CDKN2B-AS1: variants seen among roughly 807,000 people sequenced by gnomAD.
CDKN2B-AS1 encodes CDKN2B antisense RNA 1 (non-protein coding).
chr9:22,037,976 A>C (rs1017751476), intron 1 of CDKN2B-AS1, among the ~76,000 whole-genome samples: 1 of 152,044 alleles, frequency 6.6e-6, no homozygotes, highest in African/African-American at 2.4e-5. Flanking sequence ...TAGGCAATGA[A>C]AATCTGAAGG....
At chr9:22,128,057 C>T (rs940634995) in exon 5 of CDKN2B-AS1, among the ~76,000 whole-genome samples, 3 of 152,058 alleles carry the variant, frequency 2.0e-5, no homozygotes, top group African/African-American at 7.2e-5. Context: ...TGTGTACAGA[C>T]TAGATATAAT....
chr9:21,998,309 A>T (rs1039487504), intron 1 of CDKN2B-AS1, among the ~76,000 whole-genome samples: 1 of 152,238 alleles, frequency 6.6e-6, no homozygotes, highest in Non-Finnish European at 1.5e-5. Context: ...AATAATGAAG[A>T]ACTGAGCATG....
intron 4 of CDKN2B-AS1, among the ~76,000 whole-genome samples, chr9:22,099,248 A>C (rs763210916): frequency 1.4e-4 from 21 of 152,284 alleles, no homozygotes; most frequent in Non-Finnish European, 2.6e-4. Context: ...AGCATAGGGT[A>C]GTAGAGAGAA....
rs141196704 is a variant in CDKN2B-AS1, at chr9:22,098,401, G to T, written n.439-28702G>T. Among the ~76,000 whole-genome samples the T allele has an allele frequency of 1.5e-4, 22 of 150,280 alleles. No individual in the cohort carries two copies. In the East Asian group the frequency reaches 4.2e-3, roughly 29 times the overall value. ...AAACTATTACTTATAGGGGTTATGGGAAATGCCATGGGCAAGAATTTTTTT... is the reference window on the plus strand; with the variant it reads ...AAACTATTACTTATAGGGGTTATGGTAAATGCCATGGGCAAGAATTTTTTT... On this transcript the variant is annotated intron_variant and non_coding_transcript_variant, in intron 4 of 4. Transcript: ENST00000650946.
At chr9:22,049,180 G>T (rs971858606) in exon 3 of CDKN2B-AS1, 6 of 152,144 alleles carry the variant, frequency 3.9e-5, no homozygotes, top group African/African-American at 1.4e-4. Context: ...AAACCGGGGA[G>T]ATCTATTTGG....
intron 1 of CDKN2B-AS1, among the ~76,000 whole-genome samples, chr9:22,015,239 G>C (rs544080903): frequency 6.6e-6 from 1 of 152,220 alleles, no homozygotes; most frequent in Admixed American, 6.5e-5. Context: ...GTGTAAAAGT[G>C]TTCCTATTTC....
intron 4 of CDKN2B-AS1, among the ~76,000 whole-genome samples, chr9:22,113,297 G>C (rs1475021467): frequency 6.6e-6 from 1 of 152,092 alleles, no homozygotes; most frequent in African/African-American, 2.4e-5. Flanking sequence ...TCCATCTTCA[G>C]GCCAGCAATG....
rs1360635175 is a variant in CDKN2B-AS1 at position 22,000,768 on chromosome 9, T to A, written n.29+5607T>A. Among the ~76,000 whole-genome samples, 3 of 152,166 alleles carry A rather than the reference T, an allele frequency of 2.0e-5. No homozygotes were observed. The highest frequency in any genetic ancestry group is 4.8e-5 in the African/African-American group (2 of 41,434). On this transcript the variant is annotated intron_variant and non_coding_transcript_variant, in intron 1 of 4. Coordinates refer to ENST00000650946, the Ensembl canonical transcript of CDKN2B-AS1. This position sits in a 1 kb window ranked among gnomAD's most constrained non-coding sequence, Gnocchi z 4.1. ...TTCTAAAATATATAATAACAAACAA[T>A]AACAGTACTTGCAGCTTAATTAAAG...
At chr9:22,047,458 C>T (rs1341861715) in intron 2 of CDKN2B-AS1, among the ~76,000 whole-genome samples, 2 of 152,162 alleles carry the variant, frequency 1.3e-5, no homozygotes, top group Non-Finnish European at 2.9e-5. Flanking sequence ...TAACTCCATG[C>T]TTCCAAGAAC....
chr9:22,118,632 G>A (rs1220592487), intron 4 of CDKN2B-AS1: 1 of 152,122 alleles, frequency 6.6e-6, no homozygotes, highest in Non-Finnish European at 1.5e-5. Flanking sequence ...TTTACCTTTC[G>A]TTTTTTAACA....
intron 4 of CDKN2B-AS1, among the ~76,000 whole-genome samples, chr9:22,070,530 G>T (rs1349183927): frequency 6.6e-6 from 1 of 152,168 alleles, no homozygotes; most frequent in East Asian, 1.9e-4. Context: ...CCCAGGGAAA[G>T]TGATGCTTGG....
chr9:22,083,408 C>A (rs1280227150), intron 4 of CDKN2B-AS1, among the ~76,000 whole-genome samples: 2 of 152,070 alleles, frequency 1.3e-5, no homozygotes, highest in Non-Finnish European at 2.9e-5. Flanking sequence ...AAGAATGCTA[C>A]CGCTGGGACA....
At chr9:22,021,485 T>G (rs1043224467) in intron 1 of CDKN2B-AS1, among the ~76,000 whole-genome samples, 15 of 152,164 alleles carry the variant, frequency 9.9e-5, no homozygotes, top group Non-Finnish European at 1.6e-4. Context: ...GTTTCATAGG[T>G]ATAGCACTGA....
At chr9:22,124,660 A>G (rs938098483) in intron 4 of CDKN2B-AS1, among the ~76,000 whole-genome samples, 4 of 152,312 alleles carry the variant, frequency 2.6e-5, no homozygotes, top group East Asian at 1.9e-4. Flanking sequence ...TAGTTGAGCT[A>G]TCATTCATAT....
At chr9:22,009,125 G>T in intron 1 of CDKN2B-AS1, 1 of 900,312 alleles carries the variant, frequency 1.1e-6, no homozygotes, top group Non-Finnish European at 1.7e-6. Flanking sequence ...GCCCCGTGCA[G>T]TGGCCGAGCG....
intron 4 of CDKN2B-AS1, among the ~76,000 whole-genome samples, chr9:22,077,406 T>C (rs1244341420): frequency 6.6e-6 from 1 of 152,228 alleles, no homozygotes; most frequent in Non-Finnish European, 1.5e-5. Context: ...ATTCAGATTT[T>C]ATAACATTTG....
chr9:22,017,289 G>A (rs1821812424), intron 1 of CDKN2B-AS1, among the ~76,000 whole-genome samples: 1 of 152,060 alleles, frequency 6.6e-6, no homozygotes, highest in Admixed American at 6.6e-5. Flanking sequence ...AGCCAGACGT[G>A]GTGGCACACA....
intron 3 of CDKN2B-AS1, among the ~76,000 whole-genome samples, chr9:22,050,445 C>G (rs1823298267): frequency 6.6e-6 from 1 of 152,122 alleles, no homozygotes; most frequent in Non-Finnish European, 1.5e-5. Context: ...TGAAAGGTAA[C>G]CAAAGGAAAG....
At position 22,110,706 on chromosome 9, in the gene CDKN2B-AS1, CT is replaced by C. The variant is rs369055163; in HGVS notation, n.439-16396del. Reference sequence around the variant, plus strand: ...ATAGAAGAATTAAAATTCAAAAACCCTATACTCATCTCTCATTTTTAAAAAA... The same window carrying C: ...ATAGAAGAATTAAAATTCAAAAACCCATACTCATCTCTCATTTTTAAAAAA... On this transcript the variant is annotated intron_variant and non_coding_transcript_variant, in intron 4 of 4. Transcript: ENST00000650946. Among the ~76,000 whole-genome samples the C allele has an allele frequency of 4.1e-3, 623 of 152,134 alleles. 8 individuals carry two copies. The highest frequency in any genetic ancestry group is 0.014 in the African/African-American group (590 of 41,524).
Sources: allele counts gnomAD v4.1 joint callset (sites outside exome capture counted in the v4.1 genomes callset), GRCh38; gene constraint gnomAD v4.1.1; non-coding constraint Gnocchi (gnomAD v3.1); transcripts MANE v1.5; gene names NCBI Gene and HGNC (gene_info 2026-07-23, HGNC 2026-07-21).